The following PTPRN2 variants were observed in gnomAD, a reference collection of about 807,000 sequenced individuals.
PTPRN2 encodes the protein receptor-type tyrosine-protein phosphatase N2.
A neutral mutation model predicts 118.8 loss-of-function variants in PTPRN2; 74 were observed. The observed-to-expected ratio is 0.62, with a 90% CI of 0.52 to 0.76. The LOEUF (loss-of-function observed/expected upper bound fraction) is 0.76. Ranked by LOEUF, PTPRN2 falls within the 30% of genes least tolerant of loss-of-function variation. The pLI is 0.00. For synonymous variants in PTPRN2, 641 were observed against 608.0 expected (o/e 1.05, Z -0.80); for missense variants, 1,481 against 1,394.4 (o/e 1.06, Z -0.99).
At chr7:158,445,412 A>C (rs1420295713) in intron 2 of PTPRN2, among the ~76,000 whole-genome samples, 1 of 152,164 alleles carries the variant, frequency 6.6e-6, no homozygotes. Flanking sequence ...TACACTGCAC[A>C]GCAGCCTCCA....
intron 2 of PTPRN2, among the ~76,000 whole-genome samples, chr7:158,329,584 G>C (rs1321097405): frequency 6.6e-6 from 1 of 152,196 alleles, no homozygotes; most frequent in African/African-American, 2.4e-5. Context: ...CGTCAACCCT[G>C]CCAGGGCGGT....
rs201466185 is a variant in PTPRN2, at chr7:158,089,612, T to G, written c.1644-8235A>C. On this transcript the variant is annotated intron_variant, in intron 10 of 22. Coordinates refer to ENST00000389418, the MANE Select transcript of PTPRN2 (RefSeq NM_002847.5). The stretch of plus-strand genomic sequence containing the variant: ...CTTCACACAAACCTTCTTCCCCTGA[T>G]GAAAGAGGGAGTCTTCACACAAACC... Among the ~76,000 whole-genome samples, 97 of 61,988 alleles carry G rather than the reference T, an allele frequency of 1.6e-3. 1 individual carries two copies. The highest frequency in any genetic ancestry group is 6.5e-3 in the East Asian group (7 of 1,072). The allele number at this position is 61,988 out of a possible 152,430, so 40.7% of individuals were successfully genotyped here.
chr7:158,467,440 G>T (rs145871791), intron 2 of PTPRN2, among the ~76,000 whole-genome samples: 10 of 152,188 alleles, frequency 6.6e-5, no homozygotes, highest in Non-Finnish European at 1.0e-4. Context: ...TTTACCGCAC[G>T]GCAGCTTTTC....
intron 12 of PTPRN2, among the ~76,000 whole-genome samples, chr7:157,755,719 C>T (rs1389463900): frequency 6.6e-6 from 1 of 151,944 alleles, no homozygotes; most frequent in Non-Finnish European, 1.5e-5. Flanking sequence ...CACTGGGGAC[C>T]CCCAGAGGGA....
chr7:157,765,871 A>ATCCG (rs1802436693), intron 12 of PTPRN2, among the ~76,000 whole-genome samples: 1 of 136,952 alleles, frequency 7.3e-6, no homozygotes, highest in African/African-American at 2.8e-5. Flanking sequence ...CCATCCATCC[A>ATCCG]TCATTACTCC....
intron 21 of PTPRN2, among the ~76,000 whole-genome samples, chr7:157,565,157 G>T (rs769584322): frequency 1.3e-4 from 20 of 152,354 alleles, no homozygotes; most frequent in Admixed American, 3.3e-4. Flanking sequence ...TAGGCAAGGA[G>T]ATGTGTATCC....
chr7:157,783,436 G>A (rs1259750154), intron 12 of PTPRN2, among the ~76,000 whole-genome samples: 1 of 150,904 alleles, frequency 6.6e-6, no homozygotes, highest in Non-Finnish European at 1.5e-5. Flanking sequence ...ACGCATGTCT[G>A]AGCCTGATGT....
chr7:158,190,231 C>T (rs913846062), intron 5 of PTPRN2, among the ~76,000 whole-genome samples: 6 of 152,152 alleles, frequency 3.9e-5, no homozygotes, highest in African/African-American at 7.2e-5. Context: ...AGAAGCTGAG[C>T]GGCTCCCCCT....
intron 3 of PTPRN2, among the ~76,000 whole-genome samples, chr7:158,256,527 T>C (rs1797032149): frequency 6.6e-6 from 1 of 151,898 alleles, no homozygotes; most frequent in South Asian, 2.1e-4. Context: ...AAGACCTACC[T>C]ATTGGTTCAG....
chr7:158,279,666 G>A (rs1018381763), intron 3 of PTPRN2, among the ~76,000 whole-genome samples: 1 of 152,090 alleles, frequency 6.6e-6, no homozygotes, highest in Non-Finnish European at 1.5e-5. Flanking sequence ...CGGAACCTGC[G>A]CCGGCCCACA....
intron 12 of PTPRN2, among the ~76,000 whole-genome samples, chr7:157,892,380 T>C (rs1246744406): frequency 1.3e-5 from 2 of 152,254 alleles, no homozygotes; most frequent in Admixed American, 1.3e-4. Context: ...AAAATGCAAA[T>C]ACTTTTCAAG....
At chr7:157,588,867 G>T (rs1283276626) in intron 17 of PTPRN2, among the ~76,000 whole-genome samples, 1 of 123,648 alleles carries the variant, frequency 8.1e-6, no homozygotes, top group Admixed American at 7.9e-5. Context: ...CCAGCTGTGT[G>T]GATCTGGGTG....
At chr7:158,330,803 C>G (rs1804219468) in intron 2 of PTPRN2, among the ~76,000 whole-genome samples, 9 of 112,168 alleles carry the variant, frequency 8.0e-5, no homozygotes, top group Middle Eastern at 5.3e-3. Context: ...ACACTCTCAC[C>G]ATAAGAGCTG....
chr7:157,656,546 C>T lies in PTPRN2; in HGVS notation c.2007G>A (p.Leu669=), dbSNP rs1405708405. 2.0e-6 allele frequency: 3 copies of T among 1,537,938 alleles called. No individual in the cohort carries two copies. The highest frequency in any genetic ancestry group is 1.9e-5 in the Admixed American group (1 of 51,710). Reference sequence around the variant, plus strand: ...GCCGCGTGGCCATACGCTGGCGGCACAGCTCCTGCAGGACAGGGGGAGGAA... The same window carrying T: ...GCCGCGTGGCCATACGCTGGCGGCATAGCTCCTGCAGGACAGGGGGAGGAA... ...GADATAAYQE[L]CRQRMATRPP... The change falls in exon 14 of 23, where the codon CTG becomes CTA. Residue 669 remains leucine (L), a synonymous_variant. Transcript: ENST00000389418.
chr7:158,021,462 G>T (rs1299807303), intron 11 of PTPRN2, among the ~76,000 whole-genome samples: 1 of 152,134 alleles, frequency 6.6e-6, no homozygotes, highest in Admixed American at 6.5e-5. Context: ...AAATGTGTGT[G>T]TATGCACCCA....
chr7:157,889,299 C>T (rs771658345), intron 12 of PTPRN2, among the ~76,000 whole-genome samples: 4 of 151,420 alleles, frequency 2.6e-5, no homozygotes, highest in Non-Finnish European at 4.4e-5. Context: ...GCCTGGTTAC[C>T]GCCCCCCTCT....
intron 14 of PTPRN2, among the ~76,000 whole-genome samples, chr7:157,636,368 T>G (rs1038119320): frequency 5.3e-5 from 8 of 152,250 alleles, no homozygotes; most frequent in Non-Finnish European, 1.0e-4. Flanking sequence ...AAATATCCTT[T>G]GTGTGTTTCT....
intron 12 of PTPRN2, among the ~76,000 whole-genome samples, chr7:157,710,545 C>T (rs1039071640): frequency 5.4e-5 from 8 of 147,816 alleles, no homozygotes; most frequent in East Asian, 2.2e-4. Flanking sequence ...TGCGGGGTCC[C>T]GCTGCAGAAG....
At chr7:158,013,198 G>C (rs1352160975) in intron 11 of PTPRN2, among the ~76,000 whole-genome samples, 1 of 152,244 alleles carries the variant, frequency 6.6e-6, no homozygotes, top group Non-Finnish European at 1.5e-5. Flanking sequence ...CCTTGAGGGA[G>C]ATACTGGGTT....
Sources: gnomAD v4.1 joint callset for allele counts (sites outside exome capture counted in the v4.1 genomes callset) on GRCh38, gnomAD v4.1.1 for gene constraint, MANE v1.5 for transcripts, NCBI Gene and HGNC (gene_info 2026-07-23, HGNC 2026-07-21) for gene names.